CSTPP1: variants seen among roughly 807,000 people sequenced by gnomAD.
CSTPP1 encodes UPF0705 protein C11orf49.
chr11:47,010,648 C>T, the CSTPP1 span, among the ~76,000 whole-genome samples: 1 of 152,016 alleles, frequency 6.6e-6, no homozygotes, highest in Admixed American at 6.6e-5. Context: ...AACCAAGAAC[C>T]CTATTACTGT....
chr11:47,062,620 T>A, the CSTPP1 span, among the ~76,000 whole-genome samples: 5 of 152,220 alleles, frequency 3.3e-5, no homozygotes, highest in African/African-American at 1.2e-4. Context: ...TTTGAAAGAT[T>A]TAGATCATGA....
chr11:46,939,621 C>T, the CSTPP1 span, among the ~76,000 whole-genome samples: 2 of 144,758 alleles, frequency 1.4e-5, no homozygotes, highest in African/African-American at 5.2e-5. Flanking sequence ...GAGACCCTGC[C>T]TCTAAAATGC....
At chr11:46,994,558 G>C in the CSTPP1 span, among the ~76,000 whole-genome samples, 1 of 152,166 alleles carries the variant, frequency 6.6e-6, no homozygotes, top group Non-Finnish European at 1.5e-5. Context: ...CTTTGGTTCT[G>C]TTTATATGAT....
chr11:46,950,924 G>C, the CSTPP1 span, among the ~76,000 whole-genome samples: 1 of 152,294 alleles, frequency 6.6e-6, no homozygotes, highest in African/African-American at 2.4e-5. Flanking sequence ...ACCAGGCCTG[G>C]CCTGGAAACT....
the CSTPP1 span, among the ~76,000 whole-genome samples, chr11:47,143,506 C>T: frequency 4.6e-5 from 7 of 152,304 alleles, no homozygotes; most frequent in African/African-American, 9.6e-5. Flanking sequence ...TCTCCACATG[C>T]GCCTGCCTTA....
chr11:46,965,323 C>A, the CSTPP1 span, among the ~76,000 whole-genome samples: 1 of 147,750 alleles, frequency 6.8e-6, no homozygotes, highest in Non-Finnish European at 1.5e-5. Context: ...CTCCCGGGTT[C>A]AAGCGATTCT....
the CSTPP1 span, among the ~76,000 whole-genome samples, chr11:47,120,696 G>A: frequency 3.3e-5 from 5 of 152,298 alleles, no homozygotes; most frequent in South Asian, 2.1e-4. This position sits in a 1 kb window ranked among gnomAD's most constrained non-coding sequence, Gnocchi z 4.2. Flanking sequence ...TGCTAGTTAC[G>A]TAACTGGGCA....
chr11:46,987,434 G>A, the CSTPP1 span: 3 of 860,898 alleles, frequency 3.5e-6, no homozygotes, highest in Non-Finnish European at 5.7e-6. Flanking sequence ...TTTAGTTTTG[G>A]TAGGTTGGTT....
the CSTPP1 span, among the ~76,000 whole-genome samples, chr11:46,999,801 C>T: frequency 6.6e-6 from 1 of 152,166 alleles, no homozygotes; most frequent in Admixed American, 6.5e-5. Flanking sequence ...GATAAAAGTA[C>T]TCCTTGAAAT....
chr11:47,020,791 C>G, the CSTPP1 span, among the ~76,000 whole-genome samples: 2 of 152,162 alleles, frequency 1.3e-5, no homozygotes, highest in African/African-American at 4.8e-5. Context: ...CCTCCAGAAG[C>G]ATAATTCACT....
chr11:47,000,320 A>G, the CSTPP1 span, among the ~76,000 whole-genome samples: 1 of 152,272 alleles, frequency 6.6e-6, no homozygotes, highest in South Asian at 2.1e-4. Context: ...ATGAGAGAAA[A>G]ACAGGATGAA....
chr11:47,079,175 T>C, the CSTPP1 span, among the ~76,000 whole-genome samples: 2 of 152,070 alleles, frequency 1.3e-5, no homozygotes, highest in Non-Finnish European at 2.9e-5. Context: ...GAAAAAGAAA[T>C]ATACTTGAGA....
the CSTPP1 span, among the ~76,000 whole-genome samples, chr11:46,986,323 C>T: frequency 6.6e-6 from 1 of 151,976 alleles, no homozygotes; most frequent in Non-Finnish European, 1.5e-5. Context: ...ATCTAATAAA[C>T]CAAGCCAGAT....
the CSTPP1 span, among the ~76,000 whole-genome samples, chr11:46,977,437 C>T: frequency 7.2e-5 from 11 of 152,320 alleles, no homozygotes; most frequent in Non-Finnish European, 1.5e-4. Flanking sequence ...TGAAAAACCT[C>T]CCATTTAGAG....
the CSTPP1 span, among the ~76,000 whole-genome samples, chr11:47,140,838 C>A: frequency 6.6e-6 from 1 of 151,872 alleles, no homozygotes; most frequent in African/African-American, 2.4e-5. Context: ...CGGTGGCTCA[C>A]GCCTGTAATC....
At chr11:46,977,599 C>T in the CSTPP1 span, among the ~76,000 whole-genome samples, 2 of 152,188 alleles carry the variant, frequency 1.3e-5, no homozygotes, top group African/African-American at 4.8e-5. Context: ...CACAACAGAA[C>T]CTTTGTTAGG....
chr11:46,939,857 G>A, the CSTPP1 span, among the ~76,000 whole-genome samples: 2 of 151,816 alleles, frequency 1.3e-5, no homozygotes, highest in Non-Finnish European at 2.9e-5. Flanking sequence ...AGTAATTTCC[G>A]TTTCTTTTGT....
At chr11:47,024,497 A>G in the CSTPP1 span, among the ~76,000 whole-genome samples, 3 of 152,192 alleles carry the variant, frequency 2.0e-5, no homozygotes, top group East Asian at 1.9e-4. Flanking sequence ...GTAATTTTCA[A>G]TCAATCACAA....
chr11:47,142,241 C>A, the CSTPP1 span, among the ~76,000 whole-genome samples: 3 of 127,768 alleles, frequency 2.3e-5, no homozygotes, highest in African/African-American at 5.8e-5. Flanking sequence ...GACTCCATCT[C>A]AAAAAAAAAA....
Sources: gnomAD v4.1 joint callset for allele counts (sites outside exome capture counted in the v4.1 genomes callset) on GRCh38, gnomAD v4.1.1 for gene constraint, Gnocchi (gnomAD v3.1) non-coding constraint, MANE v1.5 for transcripts, NCBI Gene and HGNC (gene_info 2026-07-23, HGNC 2026-07-21) for gene names.